Variants in UNC5C observed in about 807,000 individuals in gnomAD.
UNC5C encodes netrin receptor UNC5C.
A neutral mutation model predicts 99.8 loss-of-function variants in UNC5C; 47 were observed. The observed-to-expected ratio is 0.47, with a 90% CI of 0.37 to 0.60. The LOEUF (loss-of-function observed/expected upper bound fraction) is 0.60. Ranked by LOEUF, UNC5C falls within the 20% of genes least tolerant of loss-of-function variation. The probability of loss-of-function intolerance (pLI) is 0.00; values close to 1 mark genes in which losing one functional copy is unlikely to be tolerated. For missense variants in UNC5C, 1,062 were observed against 1,165.9 expected (o/e 0.91, Z 1.30); for synonymous variants, 487 against 452.2 (o/e 1.08, Z -0.98).
rs1268916454 is a variant in UNC5C, at chr4:95,165,597, A to T, written c.*3637T>A. Reference sequence around the variant, plus strand: ...AGTGTGATAAGAAGAAAATAAAAACAGGATGAAACCTCTGCCTTTGGATTC... The same window carrying T: ...AGTGTGATAAGAAGAAAATAAAAACTGGATGAAACCTCTGCCTTTGGATTC... On this transcript the variant is annotated 3_prime_UTR_variant, in exon 16 of 16. Transcript: ENST00000453304. 1 of 152,206 alleles carries T rather than the reference A, an allele frequency of 6.6e-6. No individual in the cohort carries two copies. Among genetic ancestry groups the T allele is most frequent in the Non-Finnish European group, 1.5e-5 (1 of 68,022 alleles). 9.4% of individuals were successfully genotyped at this position (152,206 alleles called of 1,614,324 possible).
intron 7 of UNC5C, among the ~76,000 whole-genome samples, chr4:95,222,954 G>T (rs1738529024): frequency 6.6e-6 from 1 of 151,896 alleles, no homozygotes; most frequent in East Asian, 1.9e-4. Context: ...AGGTTATAAG[G>T]GTATTTATTT....
chr4:95,451,086 C>T (rs265053), intron 1 of UNC5C, among the ~76,000 whole-genome samples: 18,777 of 152,166 alleles, frequency 0.12, 1,563 homozygotes, highest in African/African-American at 0.23. Flanking sequence ...CTATGACTTA[C>T]GTAGCAATTA....
At chr4:95,381,284 G>A (rs533381303) in intron 1 of UNC5C, among the ~76,000 whole-genome samples, 2 of 152,276 alleles carry the variant, frequency 1.3e-5, no homozygotes, top group South Asian at 4.1e-4. Flanking sequence ...CATGGAGCTG[G>A]ATGTGTTGAT....
At chr4:95,185,327 C>G in intron 12 of UNC5C, 131 bp from the exon 13 acceptor site, 5 of 1,093,648 alleles carry the variant, frequency 4.6e-6, no homozygotes, top group Non-Finnish European at 6.5e-6. Flanking sequence ...TGAACACCCA[C>G]TTTTGCAGCC....
intron 1 of UNC5C, among the ~76,000 whole-genome samples, chr4:95,528,474 C>A (rs890774526): frequency 1.3e-5 from 2 of 152,074 alleles, no homozygotes. Context: ...CCAATGAGAC[C>A]ATTACTCAAA....
chr4:95,191,875 A>T (rs1270985446), intron 12 of UNC5C, among the ~76,000 whole-genome samples: 28 of 26,590 alleles, frequency 1.1e-3, no homozygotes, highest in Admixed American at 1.2e-3. Context: ...CCTCCTCCCC[A>T]CTCACCCTCC....
intron 12 of UNC5C, among the ~76,000 whole-genome samples, chr4:95,192,735 A>G (rs1737204034): frequency 6.6e-6 from 1 of 150,538 alleles, no homozygotes; most frequent in South Asian, 2.1e-4. Context: ...TTCTCTGCTC[A>G]CCTCTTCCTC....
At chr4:95,370,444 A>G (rs1441785371) in intron 1 of UNC5C, among the ~76,000 whole-genome samples, 2 of 152,178 alleles carry the variant, frequency 1.3e-5, no homozygotes, top group Non-Finnish European at 2.9e-5. Context: ...ATATTCACCA[A>G]TATGCTAGCA....
chr4:95,493,094 G>A (rs1274281827), intron 1 of UNC5C, among the ~76,000 whole-genome samples: 6 of 151,150 alleles, frequency 4.0e-5, no homozygotes, highest in Non-Finnish European at 4.4e-5. Flanking sequence ...CAGCTTTAAC[G>A]GTAACCAACA....
chr4:95,534,100 A>T lies in UNC5C; in HGVS notation c.124+14634T>A, dbSNP rs556560718. Among the ~76,000 whole-genome samples, 69 of 152,342 alleles carry T rather than the reference A, an allele frequency of 4.5e-4. 1 individual carries two copies. In the Middle Eastern group the frequency reaches 0.01, roughly 23 times the overall value. On this transcript the variant is annotated intron_variant, in intron 1 of 15. Coordinates refer to ENST00000453304, the MANE Select transcript of UNC5C (RefSeq NM_003728.4). The stretch of plus-strand genomic sequence containing the variant: ...AAACGTGGAACGTTCCCTACAGCAC[A>T]GCACTTGAGGAAGTTGGGGAGGAGG...
At chr4:95,179,286 A>AGAT (rs1417269194) in intron 14 of UNC5C, among the ~76,000 whole-genome samples, 1 of 152,266 alleles carries the variant, frequency 6.6e-6, no homozygotes, top group African/African-American at 2.4e-5. Context: ...AGATGTAAAC[A>AGAT]GATGAAATGG....
chr4:95,277,571 TCA>T (rs1215444080), intron 4 of UNC5C, among the ~76,000 whole-genome samples: 10 of 152,342 alleles, frequency 6.6e-5, no homozygotes, highest in African/African-American at 2.2e-4. Context: ...CTCTTCTGGG[TCA>T]CAGAGTCCTC....
intron 2 of UNC5C, among the ~76,000 whole-genome samples, chr4:95,316,011 G>C (rs1214213699): frequency 6.6e-6 from 1 of 152,074 alleles, no homozygotes. Flanking sequence ...TCAGATTTCA[G>C]TTGCATATTC....
intron 1 of UNC5C, among the ~76,000 whole-genome samples, chr4:95,510,658 G>A (rs1722046900): frequency 6.6e-6 from 1 of 152,112 alleles, no homozygotes; most frequent in Non-Finnish European, 1.5e-5. Flanking sequence ...GTGTGCTGTA[G>A]AAAAATCAAA....
intron 14 of UNC5C, among the ~76,000 whole-genome samples, chr4:95,179,836 G>A (rs1220837660): frequency 6.6e-6 from 1 of 151,296 alleles, no homozygotes; most frequent in African/African-American, 2.4e-5. Context: ...GAGCTTTCAA[G>A]TAAAGCAATG....
intron 1 of UNC5C, among the ~76,000 whole-genome samples, chr4:95,529,737 T>A (rs1219777630): frequency 2.0e-5 from 3 of 151,816 alleles, no homozygotes; most frequent in East Asian, 3.9e-4. Flanking sequence ...AAAAAAAAAA[T>A]GGTAATAATA....
At chr4:95,307,684 C>G (rs1001411691) in intron 2 of UNC5C, among the ~76,000 whole-genome samples, 4 of 152,138 alleles carry the variant, frequency 2.6e-5, no homozygotes, top group Non-Finnish European at 4.4e-5. Flanking sequence ...AAAGTACAGG[C>G]CAATAACCCT....
chr4:95,531,548 G>T (rs1372364004), intron 1 of UNC5C, among the ~76,000 whole-genome samples: 1 of 152,144 alleles, frequency 6.6e-6, no homozygotes, highest in East Asian at 1.9e-4. Context: ...GTGCTTATGA[G>T]AATATTTTAT....
Position 95,309,498 on chromosome 4 carries a change from T to C in UNC5C, c.347-7749A>G, listed in dbSNP as rs1024486191. Among the ~76,000 whole-genome samples the C allele has an allele frequency of 2.0e-5, 3 of 151,992 alleles. No individual in the cohort carries two copies. In the East Asian group the frequency reaches 5.8e-4, roughly 29 times the overall value. ...TAATCAACAAAGTGAAGAGACAACT[T>C]ATGGAATGAGAGAAAACATTTGTAA... On this transcript the variant is annotated intron_variant, in intron 2 of 15. Transcript: ENST00000453304.
Sources: allele counts gnomAD v4.1 joint callset (sites outside exome capture counted in the v4.1 genomes callset), GRCh38; gene constraint gnomAD v4.1.1; transcripts MANE v1.5; gene names NCBI Gene and HGNC (gene_info 2026-07-23, HGNC 2026-07-21).